Variants in MAS1 observed in about 807,000 individuals in gnomAD.
The protein encoded by MAS1 is MAS1 proto-oncogene, G protein-coupled receptor.
For synonymous variants in MAS1, 163 were observed against 164.2 expected, an observed-to-expected ratio of 0.99 and a Z score of 0.05; for missense variants, 387 against 409.7, an observed-to-expected ratio of 0.94 and a Z score of 0.48.
At chr6:159,895,516 C>A (rs1166555017) in intron 1 of MAS1, among the ~76,000 whole-genome samples, 2 of 152,052 alleles carry the variant, frequency 1.3e-5, no homozygotes, top group African/African-American at 2.4e-5. Context: ...TAACATATAA[C>A]AAATTGCCAT....
Position 159,915,370 on chromosome 6 carries a change from GA to G in MAS1, c.*7438del, listed in dbSNP as rs1301980624. The G allele has an allele frequency of 6.6e-6, 1 of 152,244 alleles. No homozygotes were observed. Among genetic ancestry groups the G allele is most frequent in the Non-Finnish European group, 1.5e-5 (1 of 68,066 alleles). 9.4% of individuals were successfully genotyped at this position (152,244 alleles called of 1,614,324 possible). A position where few individuals can be genotyped will look rare whatever the true frequency, so the allele number is the denominator to read the frequency against. On this transcript the variant is annotated 3_prime_UTR_variant, in exon 3 of 3. Coordinates refer to ENST00000674077, the MANE Select transcript of MAS1 (RefSeq NM_002377.4). ...TTATTTATAATAGACAATCTTGACA[GA>G]TTAGGTATATCCTGCTGGAAATAGG... is the stretch of plus-strand genomic sequence containing the variant.
At chr6:159,889,277 A>C (rs1324967), upstream of MAS1, among the ~76,000 whole-genome samples, 3,127 of 152,156 alleles carry the variant, frequency 0.021, 106 homozygotes, top group African/African-American at 0.071. Context: ...ATTGGTGAGG[A>C]CCTCTGTTCT....
At chr6:159,894,821 G>A (rs1363140888) in intron 1 of MAS1, among the ~76,000 whole-genome samples, 1 of 152,210 alleles carries the variant, frequency 6.6e-6, no homozygotes, top group East Asian at 1.9e-4. Flanking sequence ...CAATAGATGT[G>A]TTTATTGATA....
intron 1 of MAS1, among the ~76,000 whole-genome samples, chr6:159,895,436 C>T (rs1054513451): frequency 6.6e-6 from 1 of 152,150 alleles, no homozygotes; most frequent in South Asian, 2.1e-4. Flanking sequence ...CAAGCCGCAT[C>T]CTTTCATGTC....
rs1321860439 is a variant in MAS1, at chr6:159,907,525, T to C, written c.570T>C (p.Phe190=). The change falls in exon 3 of 3, where the codon TTT becomes TTC. Residue 190 remains phenylalanine (F), a synonymous_variant. Transcript: ENST00000674077. ...SRNDCRAVII[F]IAILSFLVFT... is the part of the protein sequence containing the mutation. The stretch of plus-strand genomic sequence containing the variant: ...ATGACTGCCGAGCAGTCATCATCTT[T>C]ATAGCCATCCTGAGCTTCCTGGTCT... 3 of 1,613,946 alleles carry C rather than the reference T, an allele frequency of 1.9e-6. No homozygotes were observed. The African/African-American group carries it at 4.0e-5, about 22-fold the overall frequency.
chr6:159,908,022 G>T lies in MAS1; in HGVS notation c.*89G>T, dbSNP rs1365180150. On this transcript the variant is annotated 3_prime_UTR_variant, in exon 3 of 3. Transcript: ENST00000674077. Reference sequence around the variant, plus strand: ...AATATGACTTAAGTATCTCCTAAATGTGATACAGAAGAACATCTCATCCCA... The same window carrying T: ...AATATGACTTAAGTATCTCCTAAATTTGATACAGAAGAACATCTCATCCCA... The T allele has an allele frequency of 7.1e-7, 1 of 1,405,436 alleles. No individual in the cohort carries two copies. The highest frequency in any genetic ancestry group is 1.4e-5 in the African/African-American group (1 of 69,022). The allele number at this position is 1,405,436 out of a possible 1,614,324, so 87.1% of individuals were successfully genotyped here. A position where few individuals can be genotyped will look rare whatever the true frequency, so the allele number is the denominator to read the frequency against.
rs1266818854 is a variant in MAS1, at chr6:159,899,939, G to A, written c.-37+547G>A. The stretch of plus-strand genomic sequence containing the variant: ...CAGGTGCCTGTATTCTCATCTACTC[G>A]GGAGGCTGAGGCAGGAGAATCGCTT... On this transcript the variant is annotated intron_variant, in intron 2 of 2. Transcript: ENST00000674077. Among the ~76,000 whole-genome samples the A allele has an allele frequency of 4.6e-5, 7 of 152,128 alleles. No homozygotes were observed. In the South Asian group the frequency reaches 8.3e-4, roughly 18 times the overall value.
intron 1 of MAS1, among the ~76,000 whole-genome samples, chr6:159,894,215 G>A (rs1482962735): frequency 6.6e-6 from 1 of 152,050 alleles, no homozygotes; most frequent in Non-Finnish European, 1.5e-5. Flanking sequence ...CGAGAACGGA[G>A]CCTGCAGACT....
In MAS1 at chr6:159,907,323, T is replaced by C. The variant is rs149100513; in HGVS notation, c.368T>C (p.Leu123Pro). 1.7e-3 allele frequency: 2,745 copies of C among 1,614,242 alleles called. 9 individuals carry two copies. The highest frequency in any genetic ancestry group is 1.3e-3 in the Non-Finnish European group (1,507 of 1,180,050). The stretch of plus-strand genomic sequence containing the variant: ...GGCTACAACACGGGCCTCTATCTGC[T>C]GACGGCCATTAGTGTGGAGAGGTGC... ...LFGYNTGLYL[L>P]TAISVERCLS... Residue 123 changes from leucine (L) to proline (P), a missense_variant, in exon 3 of 3, where the codon CTG becomes CCG. By Grantham distance (98) the Leu-to-Pro change is moderately conservative. Coordinates refer to ENST00000674077, the MANE Select transcript of MAS1 (RefSeq NM_002377.4).
At chr6:159,899,652 T>A (rs1401170619) in intron 2 of MAS1, among the ~76,000 whole-genome samples, 1 of 152,132 alleles carries the variant, frequency 6.6e-6, no homozygotes, top group East Asian at 1.9e-4. Context: ...GGTGGGAGGA[T>A]CACTTGAGCC....
rs1783038450 is a variant in MAS1, at chr6:159,917,235, G to A, written c.*9302G>A. Among the ~76,000 whole-genome samples, 1 of 152,196 alleles carries A rather than the reference G, an allele frequency of 6.6e-6. No homozygotes were observed. Among genetic ancestry groups the A allele is most frequent in the African/African-American group, 2.4e-5 (1 of 41,454 alleles). ...TGACCCAAACCTGATGGATGAGATT[G>A]GTGTAAAGTGGAGAAATTCTGTTTT... On this transcript the variant is annotated 3_prime_UTR_variant, in exon 3 of 3. Transcript: ENST00000674077.
chr6:159,892,069 C>T (rs118069308), intron 1 of MAS1, among the ~76,000 whole-genome samples: 1 of 152,190 alleles, frequency 6.6e-6, no homozygotes, highest in African/African-American at 2.4e-5. Flanking sequence ...CACCTTCCCC[C>T]CTTTTAGACC....
rs141304476 is a variant in MAS1 at position 159,892,662 on chromosome 6, C to T, written c.-244+1529C>T. Among the ~76,000 whole-genome samples the T allele has an allele frequency of 7.9e-5, 12 of 152,220 alleles. No individual in the cohort carries two copies. The East Asian group carries it at 2.3e-3, about 29-fold the overall frequency. On this transcript the variant is annotated intron_variant, in intron 1 of 2. Transcript: ENST00000674077. ...AGTCTCCTTGTTTTTTCTATCAGCT[C>T]CACCACCCATCTGTTCCTCTCACTT...
intron 2 of MAS1, 112 bp from the exon 3 acceptor site, chr6:159,906,807 AC>A: frequency 1.2e-6 from 1 of 838,690 alleles, no homozygotes; most frequent in South Asian, 1.9e-5. Flanking sequence ...AGTCTGTTAA[AC>A]TTTTTTTTAA....
chr6:159,898,324 G>C (rs1421356002), intron 1 of MAS1, among the ~76,000 whole-genome samples: 3 of 152,012 alleles, frequency 2.0e-5, no homozygotes, highest in Non-Finnish European at 4.4e-5. Flanking sequence ...TTAAAAATAG[G>C]ATTAGGCCCC....
rs1783008562 is a variant in MAS1, at chr6:159,915,206, A to G, written c.*7273A>G. 1 of 152,184 alleles carries G rather than the reference A, an allele frequency of 6.6e-6. No homozygotes were observed. The allele number at this position is 152,184 out of a possible 1,614,324, so 9.4% of individuals were successfully genotyped here. A position where few individuals can be genotyped will look rare whatever the true frequency, so the allele number is the denominator to read the frequency against. ...TTTTGAGCAACGTATACAAAGAAAC[A>G]TTGTTCTCAAAGGAAACTGGTGAAG... On this transcript the variant is annotated 3_prime_UTR_variant, in exon 3 of 3. Coordinates refer to ENST00000674077, the MANE Select transcript of MAS1 (RefSeq NM_002377.4).
rs899295979 is a variant in MAS1, at chr6:159,909,002, TG to T, written c.*1071del. 1 of 148,520 alleles carries T rather than the reference TG, an allele frequency of 6.7e-6. No individual in the cohort carries two copies. Among genetic ancestry groups the T allele is most frequent in the African/African-American group, 2.5e-5 (1 of 39,954 alleles). The allele number at this position is 148,520 out of a possible 1,614,324, so 9.2% of individuals were successfully genotyped here. ...CTTTTTTTTTTTTTTTCATCACACC[TG>T]GAAGGAGGCTCAGTGGCAAGGGCTA... On this transcript the variant is annotated 3_prime_UTR_variant, in exon 3 of 3. Coordinates refer to ENST00000674077, the MANE Select transcript of MAS1 (RefSeq NM_002377.4).
Position 159,907,961 on chromosome 6 carries a change from A to C in MAS1, c.*28A>C. The C allele has an allele frequency of 6.4e-7, 1 of 1,559,976 alleles. No homozygotes were observed. Among genetic ancestry groups the C allele is most frequent in the Non-Finnish European group, 8.7e-7 (1 of 1,154,322 alleles). ...ACTGTGAGGGAAGTTGTGGATAAAA[A>C]TGGTGGAACACAGGTCATTTTTAGT... is the stretch of plus-strand genomic sequence containing the variant. On this transcript the variant is annotated 3_prime_UTR_variant, in exon 3 of 3. Transcript: ENST00000674077.
rs951054481 is a variant in MAS1 at position 159,913,269 on chromosome 6, A to C, written c.*5336A>C. The stretch of plus-strand genomic sequence containing the variant: ...TCCCAGCTACTTGGGAGGCTGAGGC[A>C]GGAGAATTGCTTGAACCTGGGAGGC... On this transcript the variant is annotated 3_prime_UTR_variant, in exon 3 of 3. Coordinates refer to ENST00000674077, the MANE Select transcript of MAS1 (RefSeq NM_002377.4). The C allele has an allele frequency of 6.6e-6, 1 of 152,360 alleles. No homozygotes were observed. The highest frequency in any genetic ancestry group is 1.5e-5 in the Non-Finnish European group (1 of 68,150). 9.4% of individuals were successfully genotyped at this position (152,360 alleles called of 1,614,324 possible).
Sources: allele counts gnomAD v4.1 joint callset (sites outside exome capture counted in the v4.1 genomes callset), GRCh38; gene constraint gnomAD v4.1.1; transcripts MANE v1.5; gene names NCBI Gene and HGNC (gene_info 2026-07-23, HGNC 2026-07-21).